NARS2: variants seen among roughly 807,000 people sequenced by gnomAD.
NARS2 encodes the protein asparaginyl-tRNA synthetase.
NARS2 carries 60 observed loss-of-function variants against 62.9 expected under a neutral mutation model. The ratio of observed to expected loss-of-function variants is 0.95; its 90% confidence interval spans 0.77 to 1.18. The LOEUF is 1.18. Ranked by LOEUF, NARS2 falls within the 50% of genes most tolerant of loss-of-function variation. The probability of loss-of-function intolerance (pLI) is 0.00; values close to 1 mark genes in which losing one functional copy is unlikely to be tolerated. For synonymous variants in NARS2, 196 were observed against 200.0 expected, an observed-to-expected ratio of 0.98 and a Z score of 0.17; for missense variants, 619 against 576.4, an observed-to-expected ratio of 1.07 and a Z score of -0.76.
chr11:78,520,843 G>A (rs1344771661), intron 6 of NARS2, among the ~76,000 whole-genome samples: 1 of 152,056 alleles, frequency 6.6e-6, no homozygotes, highest in East Asian at 1.9e-4. Context: ...ATCACCTGAG[G>A]TCAGGAGTTC....
chr11:78,440,811 G>T (rs367652736), intron 13 of NARS2, among the ~76,000 whole-genome samples: 7 of 152,328 alleles, frequency 4.6e-5, no homozygotes, highest in African/African-American at 1.7e-4. Context: ...GGGATTACAG[G>T]CGTGAGCCAC....
chr11:78,469,198 G>A (rs1281286297), intron 10 of NARS2, 49 bp downstream of exon 10: 16 of 1,265,092 alleles, frequency 1.3e-5, no homozygotes, highest in Non-Finnish European at 1.7e-5. Flanking sequence ...CTAAAGACAA[G>A]AAGGAAGCAT....
intron 13 of NARS2, 136 bp downstream of exon 13, chr11:78,440,955 T>C (rs1471998612): frequency 2.1e-5 from 15 of 720,192 alleles, no homozygotes; most frequent in Non-Finnish European, 3.0e-5. Context: ...CCCCAACCCC[T>C]TCCCTGACCT....
chr11:78,555,955 AG>A (rs143371737), intron 5 of NARS2, among the ~76,000 whole-genome samples: 1,655 of 152,186 alleles, frequency 0.011, 26 homozygotes, highest in African/African-American at 0.037. Flanking sequence ...GTTATTCAGG[AG>A]CATGTTGTTT....
At chr11:78,447,504 T>C (rs1240266261) in intron 11 of NARS2, among the ~76,000 whole-genome samples, 2 of 152,076 alleles carry the variant, frequency 1.3e-5, no homozygotes, top group Admixed American at 6.5e-5. Flanking sequence ...GGTATATATA[T>C]CCAGAAGAAT....
chr11:78,540,694 CCT>C (rs1158367007), intron 5 of NARS2, among the ~76,000 whole-genome samples: 1 of 152,086 alleles, frequency 6.6e-6, no homozygotes, highest in East Asian at 1.9e-4. Context: ...ATGCTATTGT[CCT>C]GTTTACCTCA....
Position 78,543,848 on chromosome 11 carries a change from T to C in NARS2, c.595-14912A>G, listed in dbSNP as rs1752591116. 2.6e-5 allele frequency among the ~76,000 whole-genome samples: 4 copies of C among 151,814 alleles called. No homozygotes were observed. In the South Asian group the frequency reaches 8.3e-4, roughly 32 times the overall value. On this transcript the variant is annotated intron_variant, in intron 5 of 13. Coordinates refer to ENST00000281038, the MANE Select transcript of NARS2 (RefSeq NM_024678.6). ...GAGATTGAGACCATCCTGGCCGACA[T>C]GGTGAAAACCCGTCTCTACTAAAAC...
chr11:78,519,915 G>A (rs971901382), intron 6 of NARS2, among the ~76,000 whole-genome samples: 12 of 151,968 alleles, frequency 7.9e-5, no homozygotes, highest in Non-Finnish European at 1.8e-4. Flanking sequence ...GGATGGTCTC[G>A]ATCTCCTGAC....
intron 6 of NARS2, among the ~76,000 whole-genome samples, chr11:78,513,916 G>A (rs796532214): frequency 9.2e-5 from 14 of 151,958 alleles, no homozygotes; most frequent in African/African-American, 3.4e-4. Flanking sequence ...GTTCTCATGT[G>A]ATGTGATCAT....
At chr11:78,526,474 G>C (rs1323647686) in intron 6 of NARS2, among the ~76,000 whole-genome samples, 1 of 152,070 alleles carries the variant, frequency 6.6e-6, no homozygotes, top group East Asian at 1.9e-4. Context: ...AAAAAACAAA[G>C]CTGAGGGAAA....
chr11:78,569,994 G>C (rs1163404153), intron 2 of NARS2, among the ~76,000 whole-genome samples: 1 of 152,154 alleles, frequency 6.6e-6, no homozygotes. Flanking sequence ...TTCGAGACCA[G>C]CCTGGCCAAC....
At chr11:78,519,935 C>T (rs990367678) in intron 6 of NARS2, among the ~76,000 whole-genome samples, 4 of 152,074 alleles carry the variant, frequency 2.6e-5, no homozygotes, top group South Asian at 2.1e-4. Context: ...CCTTGTGATC[C>T]GCCTGTCTTG....
At chr11:78,492,059 C>T (rs1287756480) in intron 7 of NARS2, among the ~76,000 whole-genome samples, 4 of 151,010 alleles carry the variant, frequency 2.6e-5, no homozygotes, top group African/African-American at 9.7e-5. Flanking sequence ...TGGGTATTTA[C>T]TAAGTGCCAT....
At chr11:78,458,655 G>A (rs997638518) in intron 11 of NARS2, among the ~76,000 whole-genome samples, 3 of 152,172 alleles carry the variant, frequency 2.0e-5, no homozygotes, top group African/African-American at 7.2e-5. Flanking sequence ...AACTTTGTTG[G>A]ATTTGATTCA....
chr11:78,524,555 G>A (rs1181791659), intron 6 of NARS2, among the ~76,000 whole-genome samples: 1 of 151,920 alleles, frequency 6.6e-6, no homozygotes, highest in East Asian at 1.9e-4. Flanking sequence ...GATGAGAAAT[G>A]GAATACTTCA....
chr11:78,486,995 A>G (rs1859602270), intron 7 of NARS2, among the ~76,000 whole-genome samples: 1 of 152,214 alleles, frequency 6.6e-6, no homozygotes, highest in Admixed American at 6.5e-5. Context: ...AATGAAGACA[A>G]AAGAAGAAAG....
chr11:78,557,918 T>C (rs1856421495), intron 5 of NARS2, among the ~76,000 whole-genome samples: 1 of 151,308 alleles, frequency 6.6e-6, no homozygotes. Context: ...AAATGTATCT[T>C]TATTTATGCA....
At chr11:78,491,191 G>T (rs545948384) in intron 7 of NARS2, among the ~76,000 whole-genome samples, 3 of 152,148 alleles carry the variant, frequency 2.0e-5, no homozygotes, top group Non-Finnish European at 4.4e-5. Flanking sequence ...GCTAATTACC[G>T]GGGAGAAGGT....
chr11:78,475,958 A>C (rs1281504404), intron 9 of NARS2, among the ~76,000 whole-genome samples: 1 of 152,022 alleles, frequency 6.6e-6, no homozygotes, highest in Non-Finnish European at 1.5e-5. Context: ...GTGCGGTTTT[A>C]ATTTGCATTT....
Sources: allele counts gnomAD v4.1 joint callset (sites outside exome capture counted in the v4.1 genomes callset), GRCh38; gene constraint gnomAD v4.1.1; transcripts MANE v1.5; gene names NCBI Gene and HGNC (gene_info 2026-07-23, HGNC 2026-07-21).